The following ATP13A4 variants were observed in gnomAD, a reference collection of about 807,000 sequenced individuals.
ATP13A4 encodes the protein ATPase 13A4, also known as probable cation-transporting ATPase 13A4.
In ATP13A4, 114 loss-of-function variants were observed where a neutral mutation model predicts 142.5. The observed-to-expected ratio is 0.80, with a 90% CI of 0.69 to 0.93. The LOEUF is 0.93. Ranked by LOEUF, ATP13A4 falls within the 40% of genes least tolerant of loss-of-function variation. The probability of loss-of-function intolerance (pLI) is 0.00; values close to 1 mark genes in which losing one functional copy is unlikely to be tolerated. For synonymous variants in ATP13A4, 488 were observed against 514.8 expected, an observed-to-expected ratio of 0.95 and a Z score of 0.70; for missense variants, 1,392 against 1,454.0, an observed-to-expected ratio of 0.96 and a Z score of 0.69.
At chr3:193,489,690 C>T (rs1719834768) in intron 7 of ATP13A4, 40 bp downstream of exon 7, 2 of 1,575,608 alleles carry the variant, frequency 1.3e-6, no homozygotes, top group Admixed American at 1.7e-5. Context: ...AGTCATTATC[C>T]TTCCCTTTAT....
chr3:193,580,100 G>A lies in ATP13A4; in HGVS notation n.291+1607C>T, dbSNP rs79143680. Reference sequence around the variant, plus strand: ...AAAGTAAAAAGGAAGAAGTTCTAGCGTGTGTGTTTATTTTATATAAATATG... The same window carrying A: ...AAAGTAAAAAGGAAGAAGTTCTAGCATGTGTGTTTATTTTATATAAATATG... On this transcript the variant is annotated intron_variant and non_coding_transcript_variant, in intron 2 of 3. Transcript: ENST00000489140. Among the ~76,000 whole-genome samples, 861 of 152,260 alleles carry A rather than the reference G, an allele frequency of 5.7e-3. 8 individuals carry two copies. Among genetic ancestry groups the A allele is most frequent in the African/African-American group, 0.017 (708 of 41,546 alleles).
At chr3:193,521,093 T>C (rs1290382934) in intron 1 of ATP13A4, among the ~76,000 whole-genome samples, 1 of 152,164 alleles carries the variant, frequency 6.6e-6, no homozygotes, top group African/African-American at 2.4e-5. Flanking sequence ...ATAAAGTCTT[T>C]AAAGTATCTT....
chr3:193,506,278 T>C lies in ATP13A4; in HGVS notation c.235-3639A>G, dbSNP rs138020524. Among the ~76,000 whole-genome samples the C allele has an allele frequency of 2.0e-5, 3 of 152,340 alleles. No homozygotes were observed. In the East Asian group the frequency reaches 5.8e-4, roughly 29 times the overall value. ...GCTACCATTTTAAATAATTGGTTTATAATGCAAATAATGCAAAGTGCTTGC... is the reference window on the plus strand; with the variant it reads ...GCTACCATTTTAAATAATTGGTTTACAATGCAAATAATGCAAAGTGCTTGC... On this transcript the variant is annotated intron_variant, in intron 2 of 29. Coordinates refer to ENST00000342695, the MANE Select transcript of ATP13A4 (RefSeq NM_032279.4).
At chr3:193,480,087 T>C (rs1258867002) in intron 8 of ATP13A4, among the ~76,000 whole-genome samples, 1 of 152,126 alleles carries the variant, frequency 6.6e-6, no homozygotes, top group Non-Finnish European at 1.5e-5. Context: ...CTGAATCCTC[T>C]TCTCTCACCT....
chr3:193,457,277 C>A (rs561888112), intron 15 of ATP13A4, 102 bp downstream of exon 15: 15 of 1,571,366 alleles, frequency 9.5e-6, no homozygotes, highest in East Asian at 6.7e-5. Context: ...CATTTTCACA[C>A]CTGAAATTCA....
At chr3:193,463,934 T>C (rs1369326096) in intron 12 of ATP13A4, among the ~76,000 whole-genome samples, 3 of 152,196 alleles carry the variant, frequency 2.0e-5, no homozygotes, top group African/African-American at 4.8e-5. Flanking sequence ...AGTGTACTGT[T>C]GAATGAATAT....
chr3:193,562,919 C>T (rs1724050215), intron 2 of ATP13A4, among the ~76,000 whole-genome samples: 1 of 152,016 alleles, frequency 6.6e-6, no homozygotes, highest in Non-Finnish European at 1.5e-5. Flanking sequence ...TGTATTATGG[C>T]TCTATCATGT....
At chr3:193,485,924 C>CA (rs11384516) in intron 7 of ATP13A4, among the ~76,000 whole-genome samples, 64,355 of 132,410 alleles carry the variant, frequency 0.49, 14,211 homozygotes, top group African/African-American at 0.57. Flanking sequence ...GCTTATAAGC[C>CA]AAAAAAAAAA....
chr3:193,462,004 C>G (rs1463253307), intron 13 of ATP13A4, among the ~76,000 whole-genome samples: 3 of 152,128 alleles, frequency 2.0e-5, no homozygotes, highest in Non-Finnish European at 4.4e-5. Context: ...GACGGATCAC[C>G]TGAGGTCAGG....
intron 18 of ATP13A4, among the ~76,000 whole-genome samples, chr3:193,447,411 GT>G (rs988965677): frequency 9.2e-5 from 14 of 152,146 alleles, no homozygotes; most frequent in African/African-American, 3.1e-4. Flanking sequence ...GTAGAATTGG[GT>G]TCAGGTGAAA....
intron 8 of ATP13A4, among the ~76,000 whole-genome samples, chr3:193,480,627 A>G (rs1469368417): frequency 6.6e-6 from 1 of 152,176 alleles, no homozygotes; most frequent in East Asian, 1.9e-4. Flanking sequence ...ATCAAAAAAT[A>G]AGAGATGTTC....
intron 8 of ATP13A4, among the ~76,000 whole-genome samples, chr3:193,476,464 C>A (rs1013257448): frequency 5.3e-5 from 8 of 152,110 alleles, no homozygotes; most frequent in African/African-American, 1.9e-4. Flanking sequence ...CTACAACTTT[C>A]TCCGCATCCA....
intron 25 of ATP13A4, chr3:193,419,001 T>C (rs923185412): frequency 2.0e-5 from 3 of 150,540 alleles, no homozygotes; most frequent in Non-Finnish European, 4.4e-5. Context: ...CCATGTCCTC[T>C]AGGGACTGAA....
At chr3:193,474,678 A>T (rs992463113) in intron 8 of ATP13A4, among the ~76,000 whole-genome samples, 1 of 149,040 alleles carries the variant, frequency 6.7e-6, no homozygotes, top group Non-Finnish European at 1.5e-5. Context: ...AAAAAGAAAG[A>T]AAAAAGAAAG....
At chr3:193,543,035 G>A (rs1261925707) in intron 1 of ATP13A4, among the ~76,000 whole-genome samples, 2 of 152,078 alleles carry the variant, frequency 1.3e-5, no homozygotes, top group African/African-American at 2.4e-5. Context: ...GGGTGTGGTG[G>A]TGGATGCCTG....
chr3:193,582,389 C>T (rs11711156), intron 1 of ATP13A4, among the ~76,000 whole-genome samples: 17,532 of 148,856 alleles, frequency 0.12, 1,342 homozygotes, highest in Non-Finnish European at 0.17. Flanking sequence ...CCTTGTGATC[C>T]GTCCGCCTCA....
At chr3:193,428,191 T>A (rs1393129707) in intron 25 of ATP13A4, among the ~76,000 whole-genome samples, 1 of 151,826 alleles carries the variant, frequency 6.6e-6, no homozygotes, top group Non-Finnish European at 1.5e-5. Flanking sequence ...CATGAAAAAA[T>A]GCTCATCATC....
chr3:193,540,627 C>T (rs1722843877), intron 1 of ATP13A4, among the ~76,000 whole-genome samples: 1 of 149,574 alleles, frequency 6.7e-6, no homozygotes, highest in Non-Finnish European at 1.5e-5. Flanking sequence ...ACTAGTAATG[C>T]CAAATAGAAG....
intron 2 of ATP13A4, among the ~76,000 whole-genome samples, chr3:193,563,622 C>T (rs958235581): frequency 1.3e-5 from 2 of 152,044 alleles, no homozygotes; most frequent in Non-Finnish European, 2.9e-5. Flanking sequence ...TGTGTAATTG[C>T]GCCACTGCAC....
Sources: gnomAD v4.1 joint callset for allele counts (sites outside exome capture counted in the v4.1 genomes callset) on GRCh38, gnomAD v4.1.1 for gene constraint, MANE v1.5 for transcripts, NCBI Gene and HGNC (gene_info 2026-07-23, HGNC 2026-07-21) for gene names.